The following TMED7 variants were observed in gnomAD, a reference collection of about 807,000 sequenced individuals.
The protein encoded by TMED7 is transmembrane p24 trafficking protein 7, also known as transmembrane emp24 domain-containing protein 7.
In TMED7, 8 loss-of-function variants were observed where a neutral mutation model predicts 23.4. The ratio of observed to expected loss-of-function variants is 0.34; its 90% CI spans 0.20 to 0.62. TMED7 has a LOEUF of 0.62. Among genes scored for constraint, TMED7 ranks in the 20% least tolerant of loss-of-function variants. The probability of loss-of-function intolerance (pLI) is 0.77; values close to 1 mark genes in which losing one functional copy is unlikely to be tolerated. For missense variants in TMED7, 232 were observed against 279.1 expected (o/e 0.83, Z 1.20); for synonymous variants, 121 against 108.5 (o/e 1.12, Z -0.72).
chr5:115,625,941 A>G lies in TMED7; in HGVS notation c.-149T>C. On this transcript the variant is annotated 5_prime_UTR_variant, in exon 1 of 3. Coordinates refer to ENST00000456936, the MANE Select transcript of TMED7 (RefSeq NM_181836.6). ...ACGCCTGTGGGAGATTCGGGATCAG[A>G]GCGACCCTCCGGCTTCCTGTGAGGG... 1 of 1,144,746 alleles carries G rather than the reference A, an allele frequency of 8.7e-7. No homozygotes were observed. Among genetic ancestry groups the G allele is most frequent in the Non-Finnish European group, 1.1e-6 (1 of 897,838 alleles). The allele number at this position is 1,144,746 out of a possible 1,614,324, so 70.9% of individuals were successfully genotyped here.
In TMED7 at chr5:115,626,015, G is replaced by T; in HGVS notation, c.-223C>A. The T allele has an allele frequency of 2.0e-6, 1 of 499,170 alleles. No individual in the cohort carries two copies. The highest frequency in any genetic ancestry group is 3.1e-6 in the Non-Finnish European group (1 of 319,144). 30.9% of individuals were successfully genotyped at this position (499,170 alleles called of 1,614,324 possible). ...GGTAAAAGAGAAGCGGAAAAGGCCTGAGAGGGTCGGAAGTGGGGATTAGCC... is the reference window on the plus strand; with the variant it reads ...GGTAAAAGAGAAGCGGAAAAGGCCTTAGAGGGTCGGAAGTGGGGATTAGCC... On this transcript the variant is annotated 5_prime_UTR_variant, in exon 1 of 3. Transcript: ENST00000456936.
At chr5:115,618,827 C>G (rs1033184420) in intron 2 of TMED7, among the ~76,000 whole-genome samples, 12 of 152,150 alleles carry the variant, frequency 7.9e-5, no homozygotes, top group African/African-American at 2.9e-4. Context: ...TGATCATTGC[C>G]TACTCTAAAT....
Position 115,620,026 on chromosome 5 carries a change from G to A in TMED7, c.438+409C>T, listed in dbSNP as rs141499517. The stretch of plus-strand genomic sequence containing the variant: ...AGTAATGGTATAAAGGCTATGATAT[G>A]GTATTATTTATCTACTAATTTAGGC... On this transcript the variant is annotated intron_variant, in intron 2 of 2. Coordinates refer to ENST00000456936, the MANE Select transcript of TMED7 (RefSeq NM_181836.6). The A allele has an allele frequency of 1.0e-3, 161 of 154,036 alleles. 2 individuals carry two copies. Among genetic ancestry groups the A allele is most frequent in the African/African-American group, 3.8e-3 (157 of 41,618 alleles). 9.5% of individuals were successfully genotyped at this position (154,036 alleles called of 1,614,324 possible).
rs1212416766 is a variant in TMED7 at position 115,616,435 on chromosome 5, G to T, written c.449C>A (p.Ala150Asp). Reference protein sequence around the residue: ...RVSALTQMESACVSIHEALKS... With the variant: ...RVSALTQMESDCVSIHEALKS... ...CAGAGCTTCGTGAATTGAAACACAGGCAGATTCCATCTGCAGAGAAATATT... is the reference window on the plus strand; with the variant it reads ...CAGAGCTTCGTGAATTGAAACACAGTCAGATTCCATCTGCAGAGAAATATT... Residue 150 changes from alanine to aspartate, a missense_variant, in exon 3 of 3, where the codon GCC (alanine) becomes GAC (aspartate). By Grantham distance (126) the Ala-to-Asp change is moderately radical (BLOSUM62 -2). Around this residue, in one of 2 missense-constraint regions of TMED7, gnomAD observed 126 missense variants for 182.1 expected, o/e 0.69. Coordinates refer to ENST00000456936, the MANE Select transcript of TMED7 (RefSeq NM_181836.6). The T allele has an allele frequency of 6.2e-7, 1 of 1,614,136 alleles. No homozygotes were observed. Among genetic ancestry groups the T allele is most frequent in the Admixed American group, 1.7e-5 (1 of 60,022 alleles).
rs1384617903 is a variant in TMED7 at position 115,616,387 on chromosome 5, G to C, written c.497C>G (p.Thr166Ser). ...TTGAGCTTCTCTTAAACGGAAATGA[G>C]TCTGATAATCGATGACAGACTTCAG... ...EALKSVIDYQ[T>S]HFRLREAQGR... Residue 166 changes from threonine to serine, a missense_variant, in exon 3 of 3, where the codon ACT becomes AGT. This residue lies in a region of TMED7 where 126 missense variants were observed against 182.1 expected (regional missense o/e 0.69). Transcript: ENST00000456936. 1 of 1,614,084 alleles carries C rather than the reference G, an allele frequency of 6.2e-7. No homozygotes were observed. The highest frequency in any genetic ancestry group is 1.3e-5 in the African/African-American group (1 of 74,940).
chr5:115,615,866 A>G lies in TMED7; in HGVS notation c.*343T>C, dbSNP rs559443964. ...AGACATTAAATCTAAAGTTTTTAAA[A>G]TATCAACTACCTATAAGAAAAGTAG... On this transcript the variant is annotated 3_prime_UTR_variant, in exon 3 of 3. Transcript: ENST00000456936. The G allele has an allele frequency of 2.5e-4, 65 of 259,982 alleles. No homozygotes were observed. The highest frequency in any genetic ancestry group is 4.0e-4 in the Non-Finnish European group (54 of 133,640). The allele number at this position is 259,982 out of a possible 1,614,324, so 16.1% of individuals were successfully genotyped here. A position where few individuals can be genotyped will look rare whatever the true frequency, so the allele number is the denominator to read the frequency against.
chr5:115,620,967 T>A (rs892628459), intron 1 of TMED7, among the ~76,000 whole-genome samples: 1 of 152,168 alleles, frequency 6.6e-6, no homozygotes, highest in Non-Finnish European at 1.5e-5. Flanking sequence ...TACAATATAC[T>A]TTTTTCCTTC....
intron 1 of TMED7, among the ~76,000 whole-genome samples, chr5:115,623,102 G>C (rs188442568): frequency 7.9e-5 from 12 of 152,258 alleles, no homozygotes; most frequent in African/African-American, 2.9e-4. Context: ...GGACTGAAAA[G>C]AGCCCCAAAA....
chr5:115,620,340 A>G (rs1261208043), intron 2 of TMED7, 95 bp downstream of exon 2: 2 of 1,331,060 alleles, frequency 1.5e-6, no homozygotes, highest in African/African-American at 3.0e-5. Context: ...GTCAGTCTCA[A>G]AATTCCATGC....
chr5:115,625,944 G>A lies in TMED7; in HGVS notation c.-152C>T. ...CCTGTGGGAGATTCGGGATCAGAGCGACCCTCCGGCTTCCTGTGAGGGGCG... is the reference window on the plus strand; with the variant it reads ...CCTGTGGGAGATTCGGGATCAGAGCAACCCTCCGGCTTCCTGTGAGGGGCG... On this transcript the variant is annotated 5_prime_UTR_variant, in exon 1 of 3. Transcript: ENST00000456936. 2.7e-6 allele frequency: 3 copies of A among 1,121,938 alleles called. No homozygotes were observed. The allele number at this position is 1,121,938 out of a possible 1,614,324, so 69.5% of individuals were successfully genotyped here.
At position 115,625,806 on chromosome 5, in the gene TMED7, C is replaced by T. The variant is rs1375618707; in HGVS notation, c.-14G>A. ...CGGCCGCGGCATCCCGAGAAGGCGGCGGCGGCCTCAACCGAGCTGCGAGAC... is the reference window on the plus strand; with the variant it reads ...CGGCCGCGGCATCCCGAGAAGGCGGTGGCGGCCTCAACCGAGCTGCGAGAC... On this transcript the variant is annotated 5_prime_UTR_variant, in exon 1 of 3. Coordinates refer to ENST00000456936, the MANE Select transcript of TMED7 (RefSeq NM_181836.6). 22 of 1,402,916 alleles carry T rather than the reference C, an allele frequency of 1.6e-5. No homozygotes were observed. The highest frequency in any genetic ancestry group is 3.0e-5 in the African/African-American group (2 of 65,724). The allele number at this position is 1,402,916 out of a possible 1,614,324, so 86.9% of individuals were successfully genotyped here.
At chr5:115,616,820 G>A (rs1219284548) in intron 2 of TMED7, among the ~76,000 whole-genome samples, 1 of 152,144 alleles carries the variant, frequency 6.6e-6, no homozygotes, top group Non-Finnish European at 1.5e-5. Flanking sequence ...AAATGGCAGT[G>A]AGCTCACCAA....
rs147088656 is a variant in TMED7, at chr5:115,620,864, A to C, written c.193-184T>G. ...CAACTAAACTTTACAGAAACTGAAC[A>C]AGTATTCTCCAACTTTTATTCACTT... On this transcript the variant is annotated intron_variant, in intron 1 of 2. Transcript: ENST00000456936. Among the ~76,000 whole-genome samples the C allele has an allele frequency of 3.7e-4, 57 of 152,300 alleles. 1 individual carries two copies. Among genetic ancestry groups the C allele is most frequent in the African/African-American group, 1.3e-3 (56 of 41,570 alleles).
rs1315973250 is a variant in TMED7 at position 115,615,522 on chromosome 5, AC to A, written c.*686del. 2 of 152,422 alleles carry A rather than the reference AC, an allele frequency of 1.3e-5. No homozygotes were observed. Among genetic ancestry groups the A allele is most frequent in the African/African-American group, 4.8e-5 (2 of 41,462 alleles). The allele number at this position is 152,422 out of a possible 1,614,324, so 9.4% of individuals were successfully genotyped here. ...TTATTCTGTAATATTTCTACCTGTTACAAAGTCTGATATTTAAGGCCTGTAT... is the reference window on the plus strand; with the variant it reads ...TTATTCTGTAATATTTCTACCTGTTAAAAGTCTGATATTTAAGGCCTGTAT... On this transcript the variant is annotated 3_prime_UTR_variant, in exon 3 of 3. Coordinates refer to ENST00000456936, the MANE Select transcript of TMED7 (RefSeq NM_181836.6).
In TMED7 at chr5:115,625,677, A is replaced by T. The variant is rs1277181921; in HGVS notation, c.116T>A (p.Phe39Tyr). 6.2e-7 allele frequency: 1 copy of T among 1,603,656 alleles called. No individual in the cohort carries two copies. The highest frequency in any genetic ancestry group is 1.7e-5 in the Admixed American group (1 of 58,660). The change falls in exon 1 of 3, where the codon TTC (phenylalanine) becomes TAC (tyrosine). Residue 39 changes from phenylalanine to tyrosine, a missense_variant. Phe to Tyr is a conservative substitution (Grantham distance 22). Coordinates refer to ENST00000456936, the MANE Select transcript of TMED7 (RefSeq NM_181836.6). ...CTGCTTGGCGTTGTCAGGAAGCTCG[A>T]AGGTGATCTCAGAGGCGCCGCCGGG... ...PGPGGASEIT[F>Y]ELPDNAKQCF...
Position 115,616,425 on chromosome 5 carries a change from T to G in TMED7, c.459A>C (p.Ser153=), listed in dbSNP as rs771007391. The G allele has an allele frequency of 6.2e-7, 1 of 1,614,182 alleles. No homozygotes were observed. Among genetic ancestry groups the G allele is most frequent in the Non-Finnish European group, 8.5e-7 (1 of 1,179,996 alleles). The change falls in exon 3 of 3, where the codon TCA becomes TCC. Residue 153 remains serine, a synonymous_variant. Transcript: ENST00000456936. ...TGACAGACTTCAGAGCTTCGTGAAT[T>G]GAAACACAGGCAGATTCCATCTGCA... is the stretch of plus-strand genomic sequence containing the variant. ...ALTQMESACV[S]IHEALKSVID... is the part of the protein sequence containing the mutation.
intron 1 of TMED7, among the ~76,000 whole-genome samples, chr5:115,624,808 A>G (rs958256372): frequency 1.3e-5 from 2 of 152,232 alleles, no homozygotes; most frequent in African/African-American, 4.8e-5. Flanking sequence ...GTCTTCCTTC[A>G]TGGATCCTAC....
At chr5:115,620,296 C>T in intron 2 of TMED7, 139 bp downstream of exon 2, 2 of 1,172,534 alleles carry the variant, frequency 1.7e-6, no homozygotes, top group Non-Finnish European at 2.2e-6. Flanking sequence ...TGTGAAATGC[C>T]TACATGTAAG....
Position 115,616,172 on chromosome 5 carries a change from T to C in TMED7, c.*37A>G. 6.3e-7 allele frequency: 1 copy of C among 1,589,034 alleles called. No homozygotes were observed. Among genetic ancestry groups the C allele is most frequent in the Non-Finnish European group, 8.6e-7 (1 of 1,157,882 alleles). ...TAAAATTAATTAGAGGACAGCAATA[T>C]TACAGTGGCAATGGTGCATCAATTC... On this transcript the variant is annotated 3_prime_UTR_variant, in exon 3 of 3. Transcript: ENST00000456936.
Sources: gnomAD v4.1 joint callset for allele counts (sites outside exome capture counted in the v4.1 genomes callset) on GRCh38, gnomAD v4.1.1 for gene constraint, gnomAD v4.1.1 regional missense constraint, MANE v1.5 for transcripts, NCBI Gene and HGNC (gene_info 2026-07-23, HGNC 2026-07-21) for gene names.